The following SUZ12 variants were observed in gnomAD, a reference collection of about 807,000 sequenced individuals.
The protein encoded by SUZ12 is polycomb protein SUZ12.
In SUZ12, 17 loss-of-function variants were observed where a neutral mutation model predicts 87.3. That is an observed-to-expected ratio of 0.19 (90% CI 0.13 to 0.29). SUZ12 has a LOEUF of 0.29. Ranked by LOEUF, SUZ12 falls within the 10% of genes least tolerant of loss-of-function variation. The probability of loss-of-function intolerance (pLI) is 1.00; values close to 1 mark genes in which losing one functional copy is unlikely to be tolerated. For missense variants in SUZ12, 526 were observed against 912.2 expected (o/e 0.58, Z 5.45); for synonymous variants, 253 against 312.4 (o/e 0.81, Z 2.01).
intron 4 of SUZ12, among the ~76,000 whole-genome samples, chr17:31,961,693 C>T (rs1434161760): frequency 6.6e-6 from 1 of 152,188 alleles, no homozygotes; most frequent in African/African-American, 2.4e-5. Flanking sequence ...GTCTCAATTT[C>T]TTGAGTTGTA....
At chr17:31,990,707 C>T (rs556475274) in intron 10 of SUZ12, among the ~76,000 whole-genome samples, 2 of 152,046 alleles carry the variant, frequency 1.3e-5, no homozygotes, top group East Asian at 1.9e-4. Flanking sequence ...AGTTAACTTT[C>T]TGCTGAGTTT....
chr17:31,939,932 T>G (rs1405657430), intron 1 of SUZ12, among the ~76,000 whole-genome samples: 1 of 152,234 alleles, frequency 6.6e-6, no homozygotes, highest in East Asian at 1.9e-4. Flanking sequence ...TTACAGCTGC[T>G]TTTTGGAAGA....
chr17:31,946,649 C>T (rs1906655070), intron 3 of SUZ12, among the ~76,000 whole-genome samples: 1 of 152,162 alleles, frequency 6.6e-6, no homozygotes, highest in Non-Finnish European at 1.5e-5. Context: ...ATGTGGAGTA[C>T]ATTTGGCTTT....
At chr17:31,949,676 C>CGTTTTTTTTTT (rs1906839689) in intron 4 of SUZ12, among the ~76,000 whole-genome samples, 1 of 12,372 alleles carries the variant, frequency 8.1e-5, no homozygotes, top group African/African-American at 3.5e-4. Context: ...CCCCCCCCCC[C>CGTTTTTTTTTT]TTTTTTTTTT....
chr17:31,975,790 A>G (rs1908710025), intron 7 of SUZ12, 77 bp downstream of exon 7: 5 of 1,162,966 alleles, frequency 4.3e-6, no homozygotes, highest in Non-Finnish European at 6.1e-6. Flanking sequence ...GTGTTCCTTC[A>G]TGATAGTCAT....
chr17:31,985,913 G>T (rs1372454613), intron 9 of SUZ12, among the ~76,000 whole-genome samples: 1 of 151,748 alleles, frequency 6.6e-6, no homozygotes, highest in African/African-American at 2.4e-5. Context: ...CACCCGCCTC[G>T]GCCTCCCAAA....
intron 5 of SUZ12, chr17:31,966,913 T>C (rs577871764): frequency 2.0e-5 from 3 of 152,300 alleles, no homozygotes; most frequent in African/African-American, 7.2e-5. Flanking sequence ...CCAGGCGCAG[T>C]GGCTCACGCC....
intron 4 of SUZ12, among the ~76,000 whole-genome samples, chr17:31,964,091 A>G (rs546545): frequency 0.17 from 25,623 of 150,478 alleles, 1,057 homozygotes; most frequent in African/African-American, 0.26. Flanking sequence ...CAGTGGTGCA[A>G]TCTCGGCTGA....
intron 4 of SUZ12, among the ~76,000 whole-genome samples, chr17:31,963,126 A>G (rs1907837810): frequency 6.6e-6 from 1 of 152,042 alleles, no homozygotes. Flanking sequence ...GGTTTTTAAG[A>G]CTCCTGTTGT....
intron 13 of SUZ12, 23 bp downstream of exon 13, chr17:31,994,744 AAAAGTT>A (rs1567839401): frequency 1.2e-6 from 2 of 1,606,206 alleles, no homozygotes; most frequent in South Asian, 2.2e-5. Context: ...GGCATATAAG[AAAAGTT>A]TAAGCTCTGA....
intron 6 of SUZ12, among the ~76,000 whole-genome samples, chr17:31,974,574 T>G (rs530659081): frequency 6.6e-6 from 1 of 152,278 alleles, no homozygotes; most frequent in African/African-American, 2.4e-5. Context: ...CAAGATACAT[T>G]ACTTAGAATA....
At position 31,947,622 on chromosome 17, in the gene SUZ12, C is replaced by T. The variant is rs752938594; in HGVS notation, c.392C>T (p.Thr131Ile). Residue 131 changes from threonine to isoleucine, a missense_variant, in exon 4 of 16, where the codon ACA becomes ATA. Around this residue, in one of 9 missense-constraint regions of SUZ12, gnomAD observed 49 missense variants for 73.2 expected, o/e 0.67. Transcript: ENST00000322652. ...RNSRTNIKRKTFKVDDMLSKV... is the reference protein window; with the variant it reads ...RNSRTNIKRKIFKVDDMLSKV... The stretch of plus-strand genomic sequence containing the variant: ...TGTTTATCTGTTTCTTCCAGGAAAA[C>T]ATTTAAAGTTGATGATATGTTATCA... 2 of 1,598,364 alleles carry T rather than the reference C, an allele frequency of 1.3e-6. No homozygotes were observed. Among genetic ancestry groups the T allele is most frequent in the African/African-American group, 2.7e-5 (2 of 74,312 alleles).
chr17:31,959,891 C>T (rs1567819960), intron 4 of SUZ12, among the ~76,000 whole-genome samples: 1 of 152,196 alleles, frequency 6.6e-6, no homozygotes, highest in Non-Finnish European at 1.5e-5. Context: ...ATTTCAAATT[C>T]TTTACCTGAT....
intron 4 of SUZ12, among the ~76,000 whole-genome samples, chr17:31,959,991 G>A (rs1907598834): frequency 6.6e-6 from 1 of 152,170 alleles, no homozygotes; most frequent in Non-Finnish European, 1.5e-5. Flanking sequence ...TTCTGGTCAT[G>A]TAAACTAGAT....
intron 1 of SUZ12, among the ~76,000 whole-genome samples, chr17:31,938,948 C>A (rs983004542): frequency 3.3e-5 from 5 of 152,146 alleles, no homozygotes; most frequent in African/African-American, 1.2e-4. Context: ...TGTAATTATT[C>A]ACATAGTTAT....
chr17:31,944,898 A>G (rs1906528604), intron 3 of SUZ12, among the ~76,000 whole-genome samples: 1 of 152,026 alleles, frequency 6.6e-6, no homozygotes, highest in African/African-American at 2.4e-5. Flanking sequence ...GAGACCCTAT[A>G]TCTACAAAAA....
In SUZ12 at chr17:31,988,516, C is replaced by A; in HGVS notation, c.1201+19C>A. 2 of 1,577,586 alleles carry A rather than the reference C, an allele frequency of 1.3e-6. No homozygotes were observed. Among genetic ancestry groups the A allele is most frequent in the South Asian group, 2.3e-5 (2 of 85,132 alleles). ...ACTATTGGTAAGAAAACATTGCAAT[C>A]AAAATAATAAAATAATGGTTTGCAG... On this transcript the variant is annotated intron_variant, in intron 10 of 15. Coordinates refer to ENST00000322652, the MANE Select transcript of SUZ12 (RefSeq NM_015355.4).
Position 31,999,610 on chromosome 17 carries a change from A to C in SUZ12, c.*607A>C, listed in dbSNP as rs944852439. The C allele has an allele frequency of 3.7e-4, 86 of 231,780 alleles. No homozygotes were observed. The highest frequency in any genetic ancestry group is 1.9e-3 in the Admixed American group (33 of 17,766). 14.4% of individuals were successfully genotyped at this position (231,780 alleles called of 1,614,324 possible). On this transcript the variant is annotated 3_prime_UTR_variant, in exon 16 of 16. Coordinates refer to ENST00000322652, the MANE Select transcript of SUZ12 (RefSeq NM_015355.4). ...GTTCCTTTTACAATTAAAAAATAGC[A>C]CTTCTTCATCTTATGCCTGTTTGAG...
At chr17:31,993,220 A>G (rs111981667) in intron 10 of SUZ12, 22 bp from the exon 11 acceptor site, 2 of 1,479,904 alleles carry the variant, frequency 1.4e-6, no homozygotes, top group East Asian at 4.7e-5. Flanking sequence ...TTTTTATTGA[A>G]TATAAAAGTG....
Sources: allele counts gnomAD v4.1 joint callset (sites outside exome capture counted in the v4.1 genomes callset), GRCh38; gene constraint gnomAD v4.1.1; regional missense constraint gnomAD v4.1.1; transcripts MANE v1.5; gene names NCBI Gene and HGNC (gene_info 2026-07-23, HGNC 2026-07-21).